The following TAF1A variants were observed in gnomAD, a reference collection of about 807,000 sequenced individuals.
TAF1A encodes the protein TATA box-binding protein-associated factor RNA polymerase I subunit A.
Under a neutral mutation model 61.6 loss-of-function variants are expected in TAF1A, and 42 were observed. That is an observed-to-expected ratio of 0.68 (90% CI 0.53 to 0.88). The LOEUF is 0.88. Among genes scored for constraint, TAF1A ranks in the 40% least tolerant of loss-of-function variants. The pLI, the probability that TAF1A is intolerant of heterozygous loss-of-function variation, is 0.00. For synonymous variants in TAF1A, 179 were observed against 177.7 expected, an observed-to-expected ratio of 1.01 and a Z score of -0.06; for missense variants, 424 against 518.7, an observed-to-expected ratio of 0.82 and a Z score of 1.77.
intron 3 of TAF1A, among the ~76,000 whole-genome samples, chr1:222,583,615 G>A (rs1345874007): frequency 6.6e-5 from 10 of 151,952 alleles, no homozygotes; most frequent in African/African-American, 2.2e-4. Flanking sequence ...CGAGGCAGGC[G>A]GATCACGAGG....
At chr1:222,561,542 A>G (rs993882483) in intron 9 of TAF1A, 24 bp from the exon 10 acceptor site, 1 of 1,581,240 alleles carries the variant, frequency 6.3e-7, no homozygotes, top group Non-Finnish European at 8.6e-7. Context: ...ATGTCAAAAG[A>G]GAGGGTCAAT....
At chr1:222,557,261 A>AT (rs1659741141), downstream of TAF1A, among the ~76,000 whole-genome samples, 2 of 152,198 alleles carry the variant, frequency 1.3e-5, no homozygotes, top group African/African-American at 4.8e-5. Context: ...AGAAGCACTT[A>AT]TTCTACCAAT....
chr1:222,583,613 G>A (rs1484637053), intron 3 of TAF1A, among the ~76,000 whole-genome samples: 3 of 152,056 alleles, frequency 2.0e-5, no homozygotes, highest in Admixed American at 2.0e-4. Flanking sequence ...GCCGAGGCAG[G>A]CGGATCACGA....
At chr1:222,579,731 T>C in intron 4 of TAF1A, 28 bp downstream of exon 4, 1 of 1,587,394 alleles carries the variant, frequency 6.3e-7, no homozygotes, top group Non-Finnish European at 8.5e-7. Context: ...ATACTGCAAG[T>C]GTAAATTCAC....
At chr1:222,555,277 C>G (rs1659713063), downstream of TAF1A, among the ~76,000 whole-genome samples, 1 of 152,126 alleles carries the variant, frequency 6.6e-6, no homozygotes, top group South Asian at 2.1e-4. Context: ...GAATTGAAAT[C>G]AAGGTTGCAA....
intron 10 of TAF1A, 111 bp downstream of exon 10, chr1:222,561,253 C>A: frequency 9.2e-7 from 1 of 1,085,580 alleles, no homozygotes; most frequent in Non-Finnish European, 1.3e-6. Context: ...ATGTCTTAAG[C>A]ACCTAATATT....
At chr1:222,559,971 C>T (rs1659849258) in intron 10 of TAF1A, among the ~76,000 whole-genome samples, 1 of 152,096 alleles carries the variant, frequency 6.6e-6, no homozygotes, top group South Asian at 2.1e-4. Flanking sequence ...GAATTTCGTT[C>T]CCACCCTAAC....
At chr1:222,586,360 C>T (rs1053816211) in intron 2 of TAF1A, among the ~76,000 whole-genome samples, 3 of 152,216 alleles carry the variant, frequency 2.0e-5, no homozygotes, top group Admixed American at 1.3e-4. Flanking sequence ...TCCCTTCTAT[C>T]GCTCAAGCTT....
intron 3 of TAF1A, among the ~76,000 whole-genome samples, chr1:222,582,417 T>C (rs930728985): frequency 6.6e-6 from 1 of 152,180 alleles, no homozygotes; most frequent in African/African-American, 2.4e-5. Context: ...ACCACAAGGA[T>C]GACTATTATC....
Position 222,579,857 on chromosome 1 carries a change from C to T in TAF1A, c.307G>A (p.Gly103Arg), listed in dbSNP as rs202170814. ...QAAPEIIWKL[G>R]SEILFYHPKS... Reference sequence around the variant, plus strand: ...GGATGATAAAATAGAATTTCACTTCCGAGCTTCCAAATAATCTGTCAAAGC... The same window carrying T: ...GGATGATAAAATAGAATTTCACTTCTGAGCTTCCAAATAATCTGTCAAAGC... Residue 103 changes from glycine (G) to arginine (R), a missense_variant, in exon 4 of 11, where the codon GGA (glycine) becomes AGA (arginine). Physicochemically the swap from Gly to Arg is moderately radical, Grantham distance 125. Transcript: ENST00000352967. The T allele has an allele frequency of 4.6e-5, 73 of 1,604,250 alleles. No homozygotes were observed. Among genetic ancestry groups the T allele is most frequent in the South Asian group, 1.3e-4 (11 of 87,922 alleles).
intron 9 of TAF1A, 69 bp from the exon 10 acceptor site, chr1:222,561,587 T>A: frequency 2.9e-6 from 4 of 1,397,582 alleles, no homozygotes; most frequent in African/African-American, 1.5e-5. Context: ...GAATTTAGAC[T>A]TAACTAGAGT....
At chr1:222,561,959 G>A (rs1659932800) in intron 9 of TAF1A, among the ~76,000 whole-genome samples, 1 of 152,110 alleles carries the variant, frequency 6.6e-6, no homozygotes, top group African/African-American at 2.4e-5. Flanking sequence ...AAAGCTCTTT[G>A]CATAGTGTCT....
At chr1:222,579,165 A>C (rs1158378131) in intron 4 of TAF1A, among the ~76,000 whole-genome samples, 1 of 152,220 alleles carries the variant, frequency 6.6e-6, no homozygotes, top group Non-Finnish European at 1.5e-5. Flanking sequence ...ACCAGAGAAC[A>C]AAATCGTAAG....
chr1:222,569,232 T>A, intron 7 of TAF1A: 1 of 1,242,216 alleles, frequency 8.1e-7, no homozygotes, highest in Non-Finnish European at 1.0e-6. Context: ...TAAATTTCAA[T>A]AAAGTTGATT....
At chr1:222,589,177 A>T (rs903485520) in intron 1 of TAF1A, among the ~76,000 whole-genome samples, 2 of 152,186 alleles carry the variant, frequency 1.3e-5, no homozygotes, top group African/African-American at 4.8e-5. Context: ...TAGAAAAATC[A>T]TCATAAGCCA....
In TAF1A at chr1:222,589,801, G is replaced by A. The variant is rs920118027; in HGVS notation, c.-77C>T. The A allele has an allele frequency of 1.4e-5, 5 of 351,480 alleles. No homozygotes were observed. The highest frequency in any genetic ancestry group is 8.5e-5 in the East Asian group (2 of 23,632). The allele number at this position is 351,480 out of a possible 1,614,324, so 21.8% of individuals were successfully genotyped here. A position where few individuals can be genotyped will look rare whatever the true frequency, so the allele number is the denominator to read the frequency against. ...CGGCCCACGTGAAGAAATTCCCACC[G>A]GAAGACGAGTTAGGAGAGCTTTATA... On this transcript the variant is annotated 5_prime_UTR_variant, in exon 1 of 11. Transcript: ENST00000352967.
downstream of TAF1A, among the ~76,000 whole-genome samples, chr1:222,554,279 G>A (rs1197320751): frequency 6.6e-6 from 1 of 152,134 alleles, no homozygotes; most frequent in East Asian, 1.9e-4. Context: ...TGGGACTGAC[G>A]GGCGGAAACA....
At chr1:222,555,688 G>A (rs559054272), downstream of TAF1A, among the ~76,000 whole-genome samples, 22 of 152,220 alleles carry the variant, frequency 1.4e-4, no homozygotes, top group Non-Finnish European at 3.1e-4. Context: ...AATTTGTTAA[G>A]AAAGATCTTA....
At chr1:222,561,315 C>A in intron 10 of TAF1A, 49 bp downstream of exon 10, 1 of 1,551,762 alleles carries the variant, frequency 6.4e-7, no homozygotes, top group South Asian at 1.2e-5. Flanking sequence ...TTCATAATTT[C>A]AAAATCAGCC....
Sources: gnomAD v4.1 joint callset for allele counts (sites outside exome capture counted in the v4.1 genomes callset) on GRCh38, gnomAD v4.1.1 for gene constraint, MANE v1.5 for transcripts, NCBI Gene and HGNC (gene_info 2026-07-23, HGNC 2026-07-21) for gene names.